The following ZNF345 variants were observed in gnomAD, a reference collection of about 807,000 sequenced individuals.
ZNF345 encodes the protein zinc finger protein HZF10.
For missense variants in ZNF345, 527 were observed against 589.9 expected, an observed-to-expected ratio of 0.89 and a Z score of 1.10; for synonymous variants, 166 against 187.9, an observed-to-expected ratio of 0.88 and a Z score of 0.95.
At chr19:36,871,428 C>T (rs2072769403) in intron 2 of ZNF345, among the ~76,000 whole-genome samples, 1 of 152,096 alleles carries the variant, frequency 6.6e-6, no homozygotes, top group Non-Finnish European at 1.5e-5. Flanking sequence ...CACACATACA[C>T]TTTTTTTTGT....
chr19:36,867,700 G>A (rs1409071679), intron 2 of ZNF345, among the ~76,000 whole-genome samples: 1 of 152,178 alleles, frequency 6.6e-6, no homozygotes, highest in African/African-American at 2.4e-5. Context: ...ATATTTGCAT[G>A]TGTTTATCCA....
intron 3 of ZNF345, among the ~76,000 whole-genome samples, chr19:36,887,030 G>A (rs1321517696): frequency 6.6e-6 from 1 of 151,826 alleles, no homozygotes. Flanking sequence ...GGGGGTGGTG[G>A]TGGGTGCCTG....
chr19:36,868,685 G>A (rs1368550785), intron 2 of ZNF345, among the ~76,000 whole-genome samples: 2 of 148,290 alleles, frequency 1.3e-5, no homozygotes, highest in African/African-American at 2.5e-5. Flanking sequence ...GGAGTGCAGT[G>A]GTGGAGCTCG....
intron 3 of ZNF345, among the ~76,000 whole-genome samples, chr19:36,887,817 AG>A (rs1316508502): frequency 6.6e-6 from 1 of 152,226 alleles, no homozygotes; most frequent in Non-Finnish European, 1.5e-5. Flanking sequence ...TGAACTCTAG[AG>A]CCAGTAACAG....
chr19:36,862,258 A>G (rs926979867), intron 2 of ZNF345, among the ~76,000 whole-genome samples: 1 of 151,960 alleles, frequency 6.6e-6, no homozygotes, highest in African/African-American at 2.4e-5. Context: ...TGCTTTTGTT[A>G]TTCATTTGAA....
chr19:36,864,364 C>T (rs924600834), intron 2 of ZNF345, among the ~76,000 whole-genome samples: 43 of 152,022 alleles, frequency 2.8e-4, no homozygotes, highest in African/African-American at 1.0e-3. Context: ...ATAAAACAGC[C>T]AATTAGCCAG....
chr19:36,881,631 A>G (rs2072969018), downstream of ZNF345, among the ~76,000 whole-genome samples: 1 of 152,144 alleles, frequency 6.6e-6, no homozygotes, highest in South Asian at 2.1e-4. Flanking sequence ...AGTATATTTT[A>G]TGTCTTTTTA....
chr19:36,873,153 C>T (rs187379368), intron 2 of ZNF345, among the ~76,000 whole-genome samples: 2 of 151,792 alleles, frequency 1.3e-5, no homozygotes, highest in African/African-American at 4.8e-5. Context: ...TCTATGAATA[C>T]TTTTTTCACT....
intron 3 of ZNF345, chr19:36,891,541 A>G (rs757970073): frequency 6.2e-7 from 1 of 1,604,772 alleles, no homozygotes. Context: ...GCGACTACCA[A>G]AAGCCTTTCC....
intron 3 of ZNF345, among the ~76,000 whole-genome samples, chr19:36,886,424 CACTTT>C (rs1434506852): frequency 6.6e-6 from 1 of 152,210 alleles, no homozygotes; most frequent in Non-Finnish European, 1.5e-5. Flanking sequence ...AGGAAAATGG[CACTTT>C]ACCTCTGTGA....
At chr19:36,889,687 T>C (rs1397173913) in intron 3 of ZNF345, 2 of 152,186 alleles carry the variant, frequency 1.3e-5, no homozygotes, top group Non-Finnish European at 2.9e-5. Context: ...ATCTAGCTAG[T>C]GGTCTGTCAG....
chr19:36,876,826 A>T lies in ZNF345; in HGVS notation c.-5A>T, dbSNP rs2072889886. The T allele has an allele frequency of 6.4e-7, 1 of 1,561,572 alleles. No individual in the cohort carries two copies. The highest frequency in any genetic ancestry group is 8.6e-7 in the Non-Finnish European group (1 of 1,157,772). On this transcript the variant is annotated 5_prime_UTR_variant, in exon 3 of 3. The change creates a new upstream start codon in the 5' untranslated region. Transcript: ENST00000420450. Reference sequence around the variant, plus strand: ...GAGACCAAGAAATTATTTCTGAAAAAGGATATGGAAAACCTTACAAAACAC... The same window carrying T: ...GAGACCAAGAAATTATTTCTGAAAATGGATATGGAAAACCTTACAAAACAC...
rs145967701 is a variant in ZNF345, at chr19:36,862,850, C to T, written c.-47+10946C>T. 2.3e-3 allele frequency: 353 copies of T among 152,016 alleles called. 3 individuals are homozygous for T. Among genetic ancestry groups the T allele is most frequent in the African/African-American group, 8.1e-3 (337 of 41,448 alleles). The allele number at this position is 152,016 out of a possible 1,614,324, so 9.4% of individuals were successfully genotyped here. A position where few individuals can be genotyped will look rare whatever the true frequency, so the allele number is the denominator to read the frequency against. On this transcript the variant is annotated intron_variant, in intron 2 of 2. Transcript: ENST00000420450. ...ATGTGAATGTATTTGGAAACAGGGCCTTTAATTCAGTTAAAATGAGGCCAT... is the reference window on the plus strand; with the variant it reads ...ATGTGAATGTATTTGGAAACAGGGCTTTTAATTCAGTTAAAATGAGGCCAT...
downstream of ZNF345, among the ~76,000 whole-genome samples, chr19:36,883,886 A>G (rs2072982155): frequency 6.6e-6 from 1 of 152,138 alleles, no homozygotes. Flanking sequence ...AGTCTGAAGG[A>G]ATAGTTTCCA....
chr19:36,870,150 G>A (rs579445), intron 2 of ZNF345, among the ~76,000 whole-genome samples: 38,098 of 152,054 alleles, frequency 0.25, 7,172 homozygotes, highest in African/African-American at 0.53. Context: ...ACAGTTAAAT[G>A]TTTTGTAAAT....
chr19:36,875,326 G>A (rs1402310182), intron 2 of ZNF345, among the ~76,000 whole-genome samples: 1 of 152,186 alleles, frequency 6.6e-6, no homozygotes, highest in East Asian at 1.9e-4. Flanking sequence ...TCATTTAGCA[G>A]AGACCTAAAC....
At chr19:36,852,387 C>T (rs958996321) in intron 2 of ZNF345, among the ~76,000 whole-genome samples, 5 of 151,732 alleles carry the variant, frequency 3.3e-5, no homozygotes, top group East Asian at 1.9e-4. Flanking sequence ...CCAAGGCGGG[C>T]GGATCACGAG....
intron 2 of ZNF345, among the ~76,000 whole-genome samples, chr19:36,867,196 A>G (rs753159527): frequency 6.6e-6 from 1 of 152,184 alleles, no homozygotes; most frequent in African/African-American, 2.4e-5. Context: ...CTTTTTACCT[A>G]CCTAGTATAC....
At chr19:36,852,431 G>T (rs956609727) in intron 2 of ZNF345, among the ~76,000 whole-genome samples, 22 of 151,848 alleles carry the variant, frequency 1.4e-4, no homozygotes, top group Middle Eastern at 3.4e-3. Context: ...GCCAACATGA[G>T]GAAACCCCGT....
Sources: gnomAD v4.1 joint callset for allele counts (sites outside exome capture counted in the v4.1 genomes callset) on GRCh38, gnomAD v4.1.1 for gene constraint, MANE v1.5 for transcripts, NCBI Gene and HGNC (gene_info 2026-07-23, HGNC 2026-07-21) for gene names.